Variants in TSHZ1 observed in about 807,000 individuals in gnomAD.
TSHZ1 encodes teashirt homolog 1.
In TSHZ1, 12 loss-of-function variants were observed where a neutral mutation model predicts 67.1. The observed-to-expected ratio is 0.18, with a 90% CI of 0.11 to 0.29. TSHZ1 has a LOEUF of 0.29. TSHZ1 is among the 10% of genes least tolerant of loss of function. TSHZ1 has a pLI of 1.00. For synonymous variants in TSHZ1, 632 were observed against 622.4 expected (o/e 1.02, Z -0.23); for missense variants, 1,305 against 1,413.9 (o/e 0.92, Z 1.23).
chr18:75,275,122 C>T (rs1163460750), intron 1 of TSHZ1, among the ~76,000 whole-genome samples: 1 of 152,184 alleles, frequency 6.6e-6, no homozygotes, highest in African/African-American at 2.4e-5. Flanking sequence ...ACATCCATGC[C>T]GCGACGGCCT....
intron 1 of TSHZ1, among the ~76,000 whole-genome samples, chr18:75,231,788 C>T (rs2023002263): frequency 6.6e-6 from 1 of 152,094 alleles, no homozygotes; most frequent in South Asian, 2.1e-4. Flanking sequence ...CCCGCTTTGG[C>T]CTCCCAAAGT....
At chr18:75,258,498 G>A (rs2023390290) in intron 1 of TSHZ1, among the ~76,000 whole-genome samples, 1 of 152,258 alleles carries the variant, frequency 6.6e-6, no homozygotes, top group South Asian at 2.1e-4. Flanking sequence ...AGCTTTACAG[G>A]CCTCATTTAA....
chr18:75,249,306 G>A (rs1226613974), intron 1 of TSHZ1, among the ~76,000 whole-genome samples: 1 of 152,176 alleles, frequency 6.6e-6, no homozygotes, highest in Non-Finnish European at 1.5e-5. Flanking sequence ...GGGTCCTGGG[G>A]AGAGGATCAT....
intron 1 of TSHZ1, among the ~76,000 whole-genome samples, chr18:75,259,350 A>G (rs993251798): frequency 3.9e-5 from 6 of 152,168 alleles, no homozygotes; most frequent in African/African-American, 1.2e-4. Flanking sequence ...GCAGTCAACC[A>G]TTGTCCAAAA....
At chr18:75,249,414 G>A (rs1017179984) in intron 1 of TSHZ1, among the ~76,000 whole-genome samples, 1 of 147,664 alleles carries the variant, frequency 6.8e-6, no homozygotes, top group African/African-American at 2.5e-5. Context: ...GGGTGCAGGC[G>A]GGTGGGTGGG....
chr18:75,247,186 C>T (rs2023234685), intron 1 of TSHZ1, among the ~76,000 whole-genome samples: 1 of 152,098 alleles, frequency 6.6e-6, no homozygotes, highest in Non-Finnish European at 1.5e-5. Context: ...CCACCACCGA[C>T]CGTACACCTT....
At chr18:75,228,124 A>G (rs1163610579) in intron 1 of TSHZ1, among the ~76,000 whole-genome samples, 4 of 152,206 alleles carry the variant, frequency 2.6e-5, no homozygotes, top group African/African-American at 9.7e-5. Flanking sequence ...ATGAATTTTA[A>G]TGGATGGATG....
chr18:75,219,865 T>C (rs141984046), intron 1 of TSHZ1, among the ~76,000 whole-genome samples: 251 of 152,370 alleles, frequency 1.6e-3, no homozygotes, highest in African/African-American at 5.8e-3. Context: ...CACGCGTAGG[T>C]GTGCAGAACA....
At chr18:75,274,053 G>C (rs374577750) in intron 1 of TSHZ1, among the ~76,000 whole-genome samples, 7 of 152,122 alleles carry the variant, frequency 4.6e-5, no homozygotes, top group Non-Finnish European at 5.9e-5. Flanking sequence ...TGGTTCATAC[G>C]GTTCCTTGCG....
At position 75,223,165 on chromosome 18, in the gene TSHZ1, G is replaced by A. The variant is rs143240940; in HGVS notation, c.40+11249G>A. 5.3e-5 allele frequency among the ~76,000 whole-genome samples: 8 copies of A among 152,260 alleles called. No individual in the cohort carries two copies. The South Asian group carries it at 6.2e-4, about 12-fold the overall frequency. On this transcript the variant is annotated intron_variant, in intron 1 of 1. Transcript: ENST00000580243. ...ATTCACGGCACTCAGTTATCTCAAC[G>A]AGAGTGGAGGCGGTACAAGGGATTT...
At chr18:75,255,911 C>T (rs545520455) in intron 1 of TSHZ1, among the ~76,000 whole-genome samples, 1 of 152,276 alleles carries the variant, frequency 6.6e-6, no homozygotes, top group South Asian at 2.1e-4. Flanking sequence ...CTATTTATTG[C>T]TCACTAAAGA....
At chr18:75,267,535 C>G (rs1421149991) in intron 1 of TSHZ1, among the ~76,000 whole-genome samples, 1 of 152,104 alleles carries the variant, frequency 6.6e-6, no homozygotes, top group East Asian at 1.9e-4. Context: ...CTTCGAGTGT[C>G]TCGAATTAGG....
chr18:75,248,682 G>T (rs1021787210), intron 1 of TSHZ1, among the ~76,000 whole-genome samples: 14 of 152,256 alleles, frequency 9.2e-5, no homozygotes, highest in African/African-American at 3.4e-4. Flanking sequence ...CATTTTATAC[G>T]TTTATTGGAA....
At position 75,288,305 on chromosome 18, in the gene TSHZ1, G is replaced by C. The variant is rs768042138; in HGVS notation, c.2898G>C (p.Gly966=). ...GTKFLKNLDT[G]HPVFFCNDCA... ...AATTCCTAAAGAACCTGGACACAGG[G>C]CATCCTGTTTTCTTTTGCAACGATT... Residue 966 remains glycine (G), a synonymous_variant, in exon 2 of 2, where the codon GGG becomes GGC. Transcript: ENST00000580243. The surrounding 1 kb of genome is among the most constrained non-coding windows in gnomAD (Gnocchi z 4.9). 5.0e-6 allele frequency: 8 copies of C among 1,614,206 alleles called. No individual in the cohort carries two copies. The highest frequency in any genetic ancestry group is 5.9e-6 in the Non-Finnish European group (7 of 1,180,038).
At chr18:75,265,062 G>T (rs755402936) in intron 1 of TSHZ1, among the ~76,000 whole-genome samples, 19 of 152,190 alleles carry the variant, frequency 1.2e-4, no homozygotes, top group Non-Finnish European at 2.5e-4. Flanking sequence ...AATTTTACAT[G>T]CAGAATGTGA....
intron 1 of TSHZ1, among the ~76,000 whole-genome samples, chr18:75,259,188 A>C (rs965762377): frequency 6.6e-6 from 1 of 152,174 alleles, no homozygotes; most frequent in Non-Finnish European, 1.5e-5. Context: ...GCACTTAAAA[A>C]TAAGTCGCGA....
intron 1 of TSHZ1, among the ~76,000 whole-genome samples, chr18:75,218,008 G>T (rs2022794722): frequency 6.6e-6 from 1 of 152,178 alleles, no homozygotes; most frequent in Admixed American, 6.5e-5. Flanking sequence ...TTTCATTTGT[G>T]TAATCAAGCC....
At chr18:75,222,794 C>G (rs2022865694) in intron 1 of TSHZ1, among the ~76,000 whole-genome samples, 1 of 152,138 alleles carries the variant, frequency 6.6e-6, no homozygotes, top group African/African-American at 2.4e-5. Flanking sequence ...TAACCTAATC[C>G]CAAGGTTCTC....
In TSHZ1 at chr18:75,286,699, T is replaced by A; in HGVS notation, c.1292T>A (p.Leu431His). Residue 431 changes from leucine (L) to histidine (H), a missense_variant, in exon 2 of 2, where the codon CTC becomes CAC. Transcript: ENST00000580243. This position sits in a 1 kb window ranked among gnomAD's most constrained non-coding sequence, Gnocchi z 5.1. Reference protein sequence around the residue: ...CGSSHDTLQQLTAHMMVTGHF... With the variant: ...CGSSHDTLQQHTAHMMVTGHF... ...AGCTCCCACGACACGCTGCAGCAGC[T>A]CACCGCCCACATGATGGTCACCGGG... 1.2e-6 allele frequency: 2 copies of A among 1,614,028 alleles called. No individual in the cohort carries two copies. Among genetic ancestry groups the A allele is most frequent in the Non-Finnish European group, 1.7e-6 (2 of 1,180,040 alleles).
Sources: allele counts gnomAD v4.1 joint callset (sites outside exome capture counted in the v4.1 genomes callset), GRCh38; gene constraint gnomAD v4.1.1; non-coding constraint Gnocchi (gnomAD v3.1); transcripts MANE v1.5; gene names NCBI Gene and HGNC (gene_info 2026-07-23, HGNC 2026-07-21).